VWC2: variants seen among roughly 807,000 people sequenced by gnomAD.
VWC2 encodes von Willebrand factor C domain containing 2.
Under a neutral mutation model 29.8 loss-of-function variants are expected in VWC2, and 14 were observed. The ratio of observed to expected loss-of-function variants is 0.47; its 90% CI spans 0.31 to 0.74. The LOEUF is 0.74. Among genes scored for constraint, VWC2 ranks in the 30% least tolerant of loss-of-function variants. The pLI is 0.05. For synonymous variants in VWC2, 213 were observed against 199.0 expected (o/e 1.07, Z -0.59); for missense variants, 457 against 459.8 (o/e 0.99, Z 0.05).
chr7:49,797,188 GC>G (rs1788611880), intron 2 of VWC2, among the ~76,000 whole-genome samples: 6 of 152,260 alleles, frequency 3.9e-5, no homozygotes, highest in African/African-American at 1.4e-4. Flanking sequence ...ACTAGCCTCT[GC>G]TAGTCATAAC....
At chr7:49,911,921 A>ACG (rs1417570229) in intron 3 of VWC2, 113 bp from the exon 4 acceptor site, 5 of 743,152 alleles carry the variant, frequency 6.7e-6, no homozygotes, top group Admixed American at 9.1e-5. Flanking sequence ...AAACAAATAC[A>ACG]CGCACACACA....
At chr7:49,824,591 C>A (rs1276404899) in intron 3 of VWC2, among the ~76,000 whole-genome samples, 2 of 152,104 alleles carry the variant, frequency 1.3e-5, no homozygotes, top group Middle Eastern at 6.8e-3. Context: ...CTACAAAAAC[C>A]CTGTTTTGAT....
chr7:49,902,896 A>G (rs1456094289), intron 3 of VWC2, among the ~76,000 whole-genome samples: 1 of 152,202 alleles, frequency 6.6e-6, no homozygotes, highest in Non-Finnish European at 1.5e-5. Context: ...TACGTGGAAC[A>G]TATAAATAAC....
intron 2 of VWC2, among the ~76,000 whole-genome samples, chr7:49,788,677 G>A (rs1184078143): frequency 8.6e-6 from 1 of 115,654 alleles, no homozygotes; most frequent in African/African-American, 4.7e-5. Context: ...GAGTCTGTGA[G>A]TGTGGGTGTG....
Position 49,773,666 on chromosome 7 carries a change from C to A in VWC2, c.-551C>A, listed in dbSNP as rs1259603889. On this transcript the variant is annotated 5_prime_UTR_variant, in exon 1 of 4. Transcript: ENST00000340652. ...CTAGCTCCCATGCTGGCCTCGGTGC[C>A]ACTCGCGCGCCGGCCGCGCTCCGGG... 1.3e-5 allele frequency: 2 copies of A among 152,498 alleles called. No homozygotes were observed. Among genetic ancestry groups the A allele is most frequent in the South Asian group, 2.0e-4 (1 of 4,972 alleles). The allele number at this position is 152,498 out of a possible 1,614,324, so 9.4% of individuals were successfully genotyped here.
Position 49,919,576 on chromosome 7 carries a change from C to A in VWC2, c.*7391C>A, listed in dbSNP as rs1009211035. On this transcript the variant is annotated 3_prime_UTR_variant, in exon 4 of 4. Coordinates refer to ENST00000340652, the MANE Select transcript of VWC2 (RefSeq NM_198570.5). ...GGATTAAATAAAAAATCCTCACAAA[C>A]CCCAATTTAATTTAATATAGATTAA... The A allele has an allele frequency of 6.6e-6, 1 of 152,122 alleles. No homozygotes were observed. Among genetic ancestry groups the A allele is most frequent in the Non-Finnish European group, 1.5e-5 (1 of 68,022 alleles). The allele number at this position is 152,122 out of a possible 1,614,324, so 9.4% of individuals were successfully genotyped here. A position where few individuals can be genotyped will look rare whatever the true frequency, so the allele number is the denominator to read the frequency against.
At chr7:49,843,067 T>C (rs141512484) in intron 3 of VWC2, among the ~76,000 whole-genome samples, 1 of 152,262 alleles carries the variant, frequency 6.6e-6, no homozygotes, top group Non-Finnish European at 1.5e-5. Flanking sequence ...AGTCGCTGCA[T>C]TGCCCTCCTG....
intron 2 of VWC2, among the ~76,000 whole-genome samples, chr7:49,779,203 C>A (rs1037692406): frequency 1.3e-4 from 20 of 152,320 alleles, no homozygotes; most frequent in Middle Eastern, 6.8e-3. Flanking sequence ...TCCCTGTCTT[C>A]ATAGGCTTCT....
At chr7:49,800,717 T>C (rs1788717425) in intron 2 of VWC2, among the ~76,000 whole-genome samples, 1 of 152,034 alleles carries the variant, frequency 6.6e-6, no homozygotes, top group South Asian at 2.1e-4. Context: ...TCTGTTCTCA[T>C]TCTGCTTGCT....
chr7:49,789,361 G>C (rs2128703431), intron 2 of VWC2, among the ~76,000 whole-genome samples: 1 of 151,848 alleles, frequency 6.6e-6, no homozygotes, highest in East Asian at 1.9e-4. Context: ...GGCTGTGTGT[G>C]TGTGTGAGTG....
intron 3 of VWC2, among the ~76,000 whole-genome samples, chr7:49,907,452 C>G (rs1003613703): frequency 2.0e-5 from 3 of 152,112 alleles, no homozygotes; most frequent in South Asian, 2.1e-4. Flanking sequence ...AATTACATAA[C>G]AGTAGGATAA....
chr7:49,842,056 C>T lies in VWC2; in HGVS notation c.826+39216C>T, dbSNP rs28651329. 4.8e-3 allele frequency among the ~76,000 whole-genome samples: 727 copies of T among 152,168 alleles called. 4 individuals are homozygous for T. The highest frequency in any genetic ancestry group is 0.016 in the African/African-American group (684 of 41,508). ...TAACTTTTTGTATTTTTAGTAGAAA[C>T]GAGGTTTCACCATGTTGCCCAGGCT... On this transcript the variant is annotated intron_variant, in intron 3 of 3. Coordinates refer to ENST00000340652, the MANE Select transcript of VWC2 (RefSeq NM_198570.5).
chr7:49,807,428 CAAAG>C (rs1788904396), intron 3 of VWC2, among the ~76,000 whole-genome samples: 3 of 152,268 alleles, frequency 2.0e-5, no homozygotes, highest in Admixed American at 2.0e-4. Context: ...GGTTTGGTCC[CAAAG>C]AAAGACTGAC....
At chr7:49,796,260 T>A (rs928316020) in intron 2 of VWC2, among the ~76,000 whole-genome samples, 1 of 152,254 alleles carries the variant, frequency 6.6e-6, no homozygotes, top group Non-Finnish European at 1.5e-5. Context: ...TAACTCCATC[T>A]ATGAAACCAT....
chr7:49,785,619 G>A (rs1027622426), intron 2 of VWC2, among the ~76,000 whole-genome samples: 1 of 152,152 alleles, frequency 6.6e-6, no homozygotes, highest in Non-Finnish European at 1.5e-5. Flanking sequence ...GCAAAATAAA[G>A]ATGTTCAGAG....
In VWC2 at chr7:49,808,557, T is replaced by C. The variant is rs1788927821; in HGVS notation, c.826+5717T>C. 2.0e-5 allele frequency among the ~76,000 whole-genome samples: 3 copies of C among 152,006 alleles called. No homozygotes were observed. In the South Asian group the frequency reaches 6.2e-4, roughly 31 times the overall value. ...ACATATATGTACAATATACCACCCA[T>C]CCACTGAAGAATACTCATTTTTGCC... On this transcript the variant is annotated intron_variant, in intron 3 of 3. Transcript: ENST00000340652.
chr7:49,849,065 G>A (rs1790071558), intron 3 of VWC2, among the ~76,000 whole-genome samples: 1 of 152,080 alleles, frequency 6.6e-6, no homozygotes, highest in South Asian at 2.1e-4. Flanking sequence ...AAATGTGTTG[G>A]TGCGCTTCCC....
At chr7:49,847,999 A>G (rs955261466) in intron 3 of VWC2, among the ~76,000 whole-genome samples, 1 of 152,232 alleles carries the variant, frequency 6.6e-6, no homozygotes, top group African/African-American at 2.4e-5. Context: ...GAATGCAGAA[A>G]ATGAGATAGG....
intron 3 of VWC2, among the ~76,000 whole-genome samples, chr7:49,819,344 C>T (rs1340206766): frequency 2.0e-5 from 3 of 152,198 alleles, no homozygotes; most frequent in African/African-American, 7.2e-5. Context: ...TGTGCCCCTG[C>T]TGTGACGCTC....
Sources: allele counts gnomAD v4.1 joint callset (sites outside exome capture counted in the v4.1 genomes callset), GRCh38; gene constraint gnomAD v4.1.1; transcripts MANE v1.5; gene names NCBI Gene and HGNC (gene_info 2026-07-23, HGNC 2026-07-21).